Variants in LHPP observed in about 807,000 individuals in gnomAD.
The protein encoded by LHPP is hLHPP.
Under a neutral mutation model 30.3 loss-of-function variants are expected in LHPP, and 24 were observed. The observed-to-expected ratio is 0.79, with a 90% CI of 0.57 to 1.11. LHPP has a LOEUF of 1.11. LHPP is among the 50% of genes most tolerant of loss of function. The pLI is 0.00. For synonymous variants in LHPP, 150 were observed against 157.1 expected (o/e 0.95, Z 0.34); for missense variants, 356 against 367.2 (o/e 0.97, Z 0.25).
At position 124,552,857 on chromosome 10, in the gene LHPP, C is replaced by T. The variant is rs574924060; in HGVS notation, c.716+35586C>T. 9.2e-5 allele frequency among the ~76,000 whole-genome samples: 14 copies of T among 152,328 alleles called. No individual in the cohort carries two copies. The South Asian group carries it at 1.0e-3, about 11-fold the overall frequency. On this transcript the variant is annotated intron_variant, in intron 6 of 6. Coordinates refer to ENST00000368842, the MANE Select transcript of LHPP (RefSeq NM_022126.4). ...CTATACGTTTGGGGTTTAATTGGAGCGTAATTGTAATCCATATGCTGTTAA... is the reference window on the plus strand; with the variant it reads ...CTATACGTTTGGGGTTTAATTGGAGTGTAATTGTAATCCATATGCTGTTAA...
chr10:124,467,133 T>G (rs1049674777), intron 1 of LHPP, among the ~76,000 whole-genome samples: 4 of 151,490 alleles, frequency 2.6e-5, no homozygotes, highest in African/African-American at 9.7e-5. Context: ...AAAAAAACCA[T>G]TGTTTTTTAA....
chr10:124,579,953 ACTT>A (rs769348710), intron 6 of LHPP, among the ~76,000 whole-genome samples: 1 of 152,178 alleles, frequency 6.6e-6, no homozygotes, highest in Non-Finnish European at 1.5e-5. Context: ...ATTTTTTTAA[ACTT>A]CTTCTCTTAA....
At chr10:124,567,055 G>A (rs926102094) in intron 6 of LHPP, among the ~76,000 whole-genome samples, 5 of 152,202 alleles carry the variant, frequency 3.3e-5, no homozygotes, top group African/African-American at 1.2e-4. Flanking sequence ...GAGGGCGGGG[G>A]TCCAGGTGGC....
chr10:124,574,834 G>C (rs1355513455), intron 6 of LHPP, among the ~76,000 whole-genome samples: 1 of 152,146 alleles, frequency 6.6e-6, no homozygotes, highest in East Asian at 1.9e-4. Flanking sequence ...ATCCCTTCCT[G>C]ATCTTCCAGG....
rs1955203485 is a variant in LHPP at position 124,541,987 on chromosome 10, G to T, written c.716+24716G>T. ...TCCAGACATGAAACGGACAGCAGGA[G>T]GGGGCTTTGAGGGGTCTCTCCTGAG... On this transcript the variant is annotated intron_variant, in intron 6 of 6. Coordinates refer to ENST00000368842, the MANE Select transcript of LHPP (RefSeq NM_022126.4). The surrounding 1 kb of genome is among the most constrained non-coding windows in gnomAD (Gnocchi z 4.2). Among the ~76,000 whole-genome samples the T allele has an allele frequency of 6.6e-6, 1 of 152,102 alleles. No individual in the cohort carries two copies. Among genetic ancestry groups the T allele is most frequent in the African/African-American group, 2.4e-5 (1 of 41,412 alleles).
chr10:124,593,462 CTT>C lies in LHPP; in HGVS notation c.717-19801_717-19800del, dbSNP rs1736633423. Among the ~76,000 whole-genome samples the C allele has an allele frequency of 6.6e-6, 1 of 152,216 alleles. No individual in the cohort carries two copies. The highest frequency in any genetic ancestry group is 2.4e-5 in the African/African-American group (1 of 41,460). ...CCATCTCTCAGGTTGGGGGATCACT[CTT>C]GTTTCCCTGCAGTTGTTTCCAGCAT... On this transcript the variant is annotated intron_variant, in intron 6 of 6. Coordinates refer to ENST00000368842, the MANE Select transcript of LHPP (RefSeq NM_022126.4). This position sits in a 1 kb window ranked among gnomAD's most constrained non-coding sequence, Gnocchi z 4.9.
chr10:124,587,040 T>TC (rs1564842736), intron 6 of LHPP, among the ~76,000 whole-genome samples: 3 of 149,602 alleles, frequency 2.0e-5, no homozygotes, highest in South Asian at 4.2e-4. Flanking sequence ...TTTTTTTTTT[T>TC]TTTTTTGAGA....
At chr10:124,598,080 A>G (rs78469384) in intron 6 of LHPP, among the ~76,000 whole-genome samples, 5,023 of 152,230 alleles carry the variant, frequency 0.033, 136 homozygotes, top group East Asian at 0.13. Context: ...CCCAACTCTG[A>G]GCCTCCGTTG....
intron 5 of LHPP, among the ~76,000 whole-genome samples, chr10:124,513,462 CTTTTTT>C: frequency 1.1e-5 from 1 of 92,220 alleles, no homozygotes; most frequent in East Asian, 3.6e-4. Flanking sequence ...ATTATTATTA[CTTTTTT>C]TTTTTTTTTT....
In LHPP at chr10:124,596,136, G is replaced by A. The variant is rs186924327; in HGVS notation, c.717-17128G>A. On this transcript the variant is annotated intron_variant, in intron 6 of 6. Coordinates refer to ENST00000368842, the MANE Select transcript of LHPP (RefSeq NM_022126.4). The surrounding 1 kb of genome is among the most constrained non-coding windows in gnomAD (Gnocchi z 4.6). ...ATGTTTCATCACGAGGCTGGACCAC[G>A]ATGTGTTTATCATGTCACTGTTGCT... is the stretch of plus-strand genomic sequence containing the variant. Among the ~76,000 whole-genome samples, 26 of 152,264 alleles carry A rather than the reference G, an allele frequency of 1.7e-4. No homozygotes were observed. Among genetic ancestry groups the A allele is most frequent in the African/African-American group, 4.8e-4 (20 of 41,556 alleles).
At chr10:124,524,652 A>G (rs1954688467) in intron 6 of LHPP, among the ~76,000 whole-genome samples, 2 of 152,146 alleles carry the variant, frequency 1.3e-5, no homozygotes, top group Non-Finnish European at 2.9e-5. Context: ...TGGGCAACAT[A>G]GCGAGACCTC....
intron 3 of LHPP, chr10:124,490,161 T>A (rs1953476453): frequency 5.6e-6 from 1 of 180,142 alleles, no homozygotes; most frequent in Admixed American, 6.3e-5. Flanking sequence ...TGTCTCTGTC[T>A]GTGGGTGTCT....
At chr10:124,468,583 A>G (rs1952630773) in intron 1 of LHPP, among the ~76,000 whole-genome samples, 1 of 151,966 alleles carries the variant, frequency 6.6e-6, no homozygotes, top group Non-Finnish European at 1.5e-5. Context: ...GACCTTCTCA[A>G]CTGACCTTTG....
In LHPP at chr10:124,496,548, A is replaced by T. The variant is rs990588921; in HGVS notation, c.468-413A>T. Reference sequence around the variant, plus strand: ...TTCAGCCAGCAATTAGGGGTTAATTATTAGCAATTAGGGGTTCGCCACATA... The same window carrying T: ...TTCAGCCAGCAATTAGGGGTTAATTTTTAGCAATTAGGGGTTCGCCACATA... On this transcript the variant is annotated intron_variant, in intron 3 of 6. Coordinates refer to ENST00000368842, the MANE Select transcript of LHPP (RefSeq NM_022126.4). The surrounding 1 kb of genome is among the most constrained non-coding windows in gnomAD (Gnocchi z 4.3). 1.4e-4 allele frequency among the ~76,000 whole-genome samples: 22 copies of T among 152,234 alleles called. No homozygotes were observed. The highest frequency in any genetic ancestry group is 4.8e-4 in the African/African-American group (20 of 41,460).
intron 6 of LHPP, among the ~76,000 whole-genome samples, chr10:124,535,963 C>T (rs1372843075): frequency 6.6e-6 from 1 of 152,244 alleles, no homozygotes; most frequent in Non-Finnish European, 1.5e-5. Flanking sequence ...CAGAGAAGCT[C>T]TCATCTCTTC....
intron 6 of LHPP, among the ~76,000 whole-genome samples, chr10:124,533,527 TC>T (rs1388812045): frequency 6.6e-6 from 1 of 152,186 alleles, no homozygotes; most frequent in East Asian, 1.9e-4. Flanking sequence ...GACCAGCCCC[TC>T]CCAGAAGGAT....
At chr10:124,565,128 C>T (rs1948467403) in intron 6 of LHPP, among the ~76,000 whole-genome samples, 1 of 152,120 alleles carries the variant, frequency 6.6e-6, no homozygotes, top group African/African-American at 2.4e-5. Context: ...AAGTGAGGCC[C>T]CCCTGAGGTA....
rs528460670 is a variant in LHPP at position 124,577,205 on chromosome 10, C to G, written c.717-36059C>G. Among the ~76,000 whole-genome samples, 4 of 152,206 alleles carry G rather than the reference C, an allele frequency of 2.6e-5. No homozygotes were observed. In the East Asian group the frequency reaches 7.8e-4, roughly 30 times the overall value. ...CTGATGGGTCCTGAGCTTGTGCTCC[C>G]GACCGCCAGGCTGTGTGTCTGATGG... On this transcript the variant is annotated intron_variant, in intron 6 of 6. Transcript: ENST00000368842.
intron 6 of LHPP, among the ~76,000 whole-genome samples, chr10:124,543,963 G>A (rs187997323): frequency 5.9e-5 from 9 of 152,372 alleles, no homozygotes; most frequent in African/African-American, 1.9e-4. Flanking sequence ...AACTGTGGTT[G>A]TAGAGTTAAG....
Sources: gnomAD v4.1 joint callset for allele counts (sites outside exome capture counted in the v4.1 genomes callset) on GRCh38, gnomAD v4.1.1 for gene constraint, Gnocchi (gnomAD v3.1) non-coding constraint, MANE v1.5 for transcripts, NCBI Gene and HGNC (gene_info 2026-07-23, HGNC 2026-07-21) for gene names.